Variants in SEMA6A observed in about 807,000 individuals in gnomAD.
The protein encoded by SEMA6A is semaphorin 6A.
In SEMA6A, 25 loss-of-function variants were observed where a neutral mutation model predicts 96.8. That is an observed-to-expected ratio of 0.26 (90% CI 0.19 to 0.36). The LOEUF is 0.36. SEMA6A is among the 10% of genes least tolerant of loss of function. The pLI, the probability that SEMA6A is intolerant of heterozygous loss-of-function variation, is 1.00. For missense variants in SEMA6A, 1,363 were observed against 1,323.1 expected (o/e 1.03, Z -0.47); for synonymous variants, 612 against 518.0 (o/e 1.18, Z -2.46).
intron 18 of SEMA6A, among the ~76,000 whole-genome samples, chr5:116,461,520 T>A (rs1356648484): frequency 6.6e-6 from 1 of 151,990 alleles, no homozygotes; most frequent in Non-Finnish European, 1.5e-5. Flanking sequence ...TTGCCAACAC[T>A]CCCACAAAAA....
chr5:116,461,041 A>G (rs1157731414), intron 18 of SEMA6A, among the ~76,000 whole-genome samples: 1 of 152,184 alleles, frequency 6.6e-6, no homozygotes, highest in Non-Finnish European at 1.5e-5. Flanking sequence ...TGGGTCGTGT[A>G]TAGCACAATT....
At chr5:116,480,771 G>A (rs550257981) in intron 11 of SEMA6A, among the ~76,000 whole-genome samples, 1 of 152,240 alleles carries the variant, frequency 6.6e-6, no homozygotes, top group Non-Finnish European at 1.5e-5. Context: ...ATTACCTGGG[G>A]CTCGCTCAGA....
intron 18 of SEMA6A, among the ~76,000 whole-genome samples, chr5:116,461,496 AT>A (rs1319717728): frequency 2.6e-5 from 4 of 152,058 alleles, no homozygotes; most frequent in Non-Finnish European, 5.9e-5. Context: ...CTTAAAAAAA[AT>A]AAAAGCCTGA....
At chr5:116,465,492 T>C (rs1193029529) in intron 18 of SEMA6A, among the ~76,000 whole-genome samples, 4 of 152,116 alleles carry the variant, frequency 2.6e-5, no homozygotes, top group African/African-American at 4.8e-5. Flanking sequence ...AAACTCAAAT[T>C]TGACAGGGCA....
At chr5:116,484,303 G>C (rs114653074) in intron 10 of SEMA6A, among the ~76,000 whole-genome samples, 1 of 152,254 alleles carries the variant, frequency 6.6e-6, no homozygotes, top group African/African-American at 2.4e-5. Context: ...TCTTCCTGAG[G>C]TTAGAATCAG....
intron 1 of SEMA6A, among the ~76,000 whole-genome samples, chr5:116,517,772 C>CCT (rs1758737613): frequency 6.6e-6 from 1 of 152,180 alleles, no homozygotes; most frequent in Admixed American, 6.5e-5. Flanking sequence ...CTCAGCAACC[C>CCT]CTCCACCTGA....
At chr5:116,560,466 C>T (rs1760777828) in intron 1 of SEMA6A, among the ~76,000 whole-genome samples, 1 of 151,388 alleles carries the variant, frequency 6.6e-6, no homozygotes, top group South Asian at 2.1e-4. Context: ...GCTGCTTTCA[C>T]TAGATCTAGT....
At position 116,446,252 on chromosome 5, in the gene SEMA6A, T is replaced by G; in HGVS notation, c.*361A>C. 1.1e-5 allele frequency: 2 copies of G among 189,408 alleles called. No homozygotes were observed. The highest frequency in any genetic ancestry group is 2.1e-5 in the Non-Finnish European group (2 of 96,846). 11.7% of individuals were successfully genotyped at this position (189,408 alleles called of 1,614,324 possible). A position where few individuals can be genotyped will look rare whatever the true frequency, so the allele number is the denominator to read the frequency against. ...GTTCACCTCTGTGCGTGTGTGTGTA[T>G]GTGTTGTGTGCATGTGTGTGTGTGT... is the stretch of plus-strand genomic sequence containing the variant. On this transcript the variant is annotated 3_prime_UTR_variant, in exon 19 of 19. Transcript: ENST00000343348.
chr5:116,457,133 T>C (rs1357368740), intron 18 of SEMA6A, among the ~76,000 whole-genome samples: 1 of 152,178 alleles, frequency 6.6e-6, no homozygotes, highest in African/African-American at 2.4e-5. Context: ...ACATGAGACA[T>C]TTTAAGTTAC....
intron 1 of SEMA6A, among the ~76,000 whole-genome samples, chr5:116,537,876 C>T (rs1412462083): frequency 1.3e-5 from 2 of 152,134 alleles, no homozygotes; most frequent in African/African-American, 4.8e-5. Flanking sequence ...GCTTCATCTG[C>T]TCCTAAAAAC....
At chr5:116,478,958 G>C (rs1188239822) in intron 12 of SEMA6A, among the ~76,000 whole-genome samples, 1 of 147,764 alleles carries the variant, frequency 6.8e-6, no homozygotes, top group East Asian at 2.0e-4. Flanking sequence ...GTGTGTGTGT[G>C]TGTGTTTGCA....
intron 12 of SEMA6A, 55 bp downstream of exon 12, chr5:116,480,067 C>T (rs1713900288): frequency 9.4e-6 from 15 of 1,592,464 alleles, no homozygotes; most frequent in Non-Finnish European, 1.3e-5. Flanking sequence ...GATTGGTTCT[C>T]CGACATGAGA....
intron 18 of SEMA6A, among the ~76,000 whole-genome samples, chr5:116,459,509 C>G (rs998315203): frequency 5.3e-5 from 8 of 152,124 alleles, no homozygotes; most frequent in African/African-American, 1.7e-4. Flanking sequence ...AATCTCATTT[C>G]CCATTCTAGT....
chr5:116,521,699 A>G (rs1205943322), intron 1 of SEMA6A, among the ~76,000 whole-genome samples: 1 of 152,212 alleles, frequency 6.6e-6, no homozygotes, highest in Non-Finnish European at 1.5e-5. Context: ...TGGCCAGAAC[A>G]TACCACCTAC....
In SEMA6A at chr5:116,446,144, AATGT is replaced by A. The variant is rs1313072009; in HGVS notation, c.*465_*468del. 1 of 154,518 alleles carries A rather than the reference AATGT, an allele frequency of 6.5e-6. No homozygotes were observed. Among genetic ancestry groups the A allele is most frequent in the Non-Finnish European group, 1.4e-5 (1 of 69,700 alleles). The allele number at this position is 154,518 out of a possible 1,614,324, so 9.6% of individuals were successfully genotyped here. On this transcript the variant is annotated 3_prime_UTR_variant, in exon 19 of 19. Transcript: ENST00000343348. ...TTTTTAAATTTTCTTGATTTTAAAA[AATGT>A]ATTTGTGTTTTGCAGGTTGGAACGC...
intron 1 of SEMA6A, among the ~76,000 whole-genome samples, chr5:116,524,847 C>G (rs919300762): frequency 2.0e-5 from 3 of 151,292 alleles, no homozygotes; most frequent in Non-Finnish European, 4.4e-5. Context: ...ATCAGATGCT[C>G]TATGCTGTGT....
chr5:116,487,075 A>G (rs1757085657), intron 9 of SEMA6A, 109 bp from the exon 10 acceptor site: 1 of 720,292 alleles, frequency 1.4e-6, no homozygotes, highest in Admixed American at 2.8e-5. Flanking sequence ...GGTGCTTAAT[A>G]CTGTTTCTAA....
chr5:116,470,873 CCATGCTCATA>C (rs1418614938), intron 17 of SEMA6A, among the ~76,000 whole-genome samples: 1 of 152,158 alleles, frequency 6.6e-6, no homozygotes, highest in African/African-American at 2.4e-5. Context: ...TTGTCTATAT[CCATGCTCATA>C]CAATTAGCAA....
intron 1 of SEMA6A, chr5:116,550,457 G>A (rs1760359852): frequency 6.6e-6 from 1 of 152,156 alleles, no homozygotes; most frequent in Non-Finnish European, 1.5e-5. Context: ...TCCCATGGCA[G>A]GCTCTGAGGG....
Sources: allele counts gnomAD v4.1 joint callset (sites outside exome capture counted in the v4.1 genomes callset), GRCh38; gene constraint gnomAD v4.1.1; transcripts MANE v1.5; gene names NCBI Gene and HGNC (gene_info 2026-07-23, HGNC 2026-07-21).